Variants in GABARAP observed in about 807,000 individuals in gnomAD.
GABARAP encodes GABA type A receptor-associated protein.
GABARAP carries 5 observed loss-of-function variants against 16.7 expected under a neutral mutation model. The observed-to-expected ratio is 0.30, with a 90% CI of 0.16 to 0.63. The LOEUF is 0.63. Ranked by LOEUF, GABARAP falls within the 20% of genes least tolerant of loss-of-function variation. The pLI, the probability that GABARAP is intolerant of heterozygous loss-of-function variation, is 0.82. For missense variants in GABARAP, 84 were observed against 146.6 expected, an observed-to-expected ratio of 0.57 and a Z score of 2.21; for synonymous variants, 45 against 52.7, an observed-to-expected ratio of 0.85 and a Z score of 0.64.
rs2071770724 is a variant in GABARAP, at chr17:7,240,930, A to G, written c.289-11T>C. On this transcript the variant is annotated splice_polypyrimidine_tract_variant and intron_variant, in intron 3 of 3. Coordinates refer to ENST00000302386, the MANE Select transcript of GABARAP (RefSeq NM_007278.2). Reference sequence around the variant, plus strand: ...TTCTTCATGGTGTTCCTGGGATGAAAGCAGAAAACTGTTCAGCAACTGGGC... The same window carrying G: ...TTCTTCATGGTGTTCCTGGGATGAAGGCAGAAAACTGTTCAGCAACTGGGC... 6.2e-7 allele frequency: 1 copy of G among 1,603,790 alleles called. No individual in the cohort carries two copies. The highest frequency in any genetic ancestry group is 8.5e-7 in the Non-Finnish European group (1 of 1,170,760).
intron 1 of GABARAP, 39 bp from the exon 2 acceptor site, chr17:7,241,718 A>G (rs1439203552): frequency 2.5e-6 from 3 of 1,210,496 alleles, no homozygotes; most frequent in Non-Finnish European, 3.7e-6. Context: ...GAAGGAATGC[A>G]GCCCCGAAGC....
chr17:7,241,463 G>T lies in GABARAP; in HGVS notation c.170-3C>A. Reference sequence around the variant, plus strand: ...GATCAAGAAGTAGAACTGACCAACTGCAAAAGATACAAGATGCAAGAAAGT... The same window carrying T: ...GATCAAGAAGTAGAACTGACCAACTTCAAAAGATACAAGATGCAAGAAAGT... On this transcript the variant is annotated splice_polypyrimidine_tract_variant and splice_region_variant and intron_variant, in intron 2 of 3. Transcript: ENST00000302386. 6.7e-7 allele frequency: 1 copy of T among 1,482,054 alleles called. No homozygotes were observed. 91.8% of individuals were successfully genotyped at this position (1,482,054 alleles called of 1,614,324 possible).
In GABARAP at chr17:7,241,985, A is replaced by G. The variant is rs186893647; in HGVS notation, c.90+256T>C. The G allele has an allele frequency of 2.3e-5, 14 of 596,610 alleles. No homozygotes were observed. In the Admixed American group the frequency reaches 3.9e-4, roughly 16 times the overall value. The allele number at this position is 596,610 out of a possible 1,614,324, so 37.0% of individuals were successfully genotyped here. A position where few individuals can be genotyped will look rare whatever the true frequency, so the allele number is the denominator to read the frequency against. The stretch of plus-strand genomic sequence containing the variant: ...ACCTTAGCTAGCTGGGGGGATGACC[A>G]TTTGAAGCTCAGGCTGTCAAACTCT... On this transcript the variant is annotated intron_variant, in intron 1 of 3. Transcript: ENST00000302386.
Position 7,242,387 on chromosome 17 carries a change from C to CG in GABARAP, c.-58dup, listed in dbSNP as rs1298268519. On this transcript the variant is annotated 5_prime_UTR_variant, in exon 1 of 4. Transcript: ENST00000302386. ...CTGAGGGAACCCAGGGGGGCCGGGA[C>CG]GGGGGGCGGCGACGACGGCGGCGAC... 48 of 1,022,670 alleles carry CG rather than the reference C, an allele frequency of 4.7e-5. 1 individual carries two copies. In the South Asian group the frequency reaches 5.6e-4, roughly 12 times the overall value. 63.3% of individuals were successfully genotyped at this position (1,022,670 alleles called of 1,614,324 possible). A position where few individuals can be genotyped will look rare whatever the true frequency, so the allele number is the denominator to read the frequency against.
In GABARAP at chr17:7,242,403, C is replaced by A; in HGVS notation, c.-73G>T. The A allele has an allele frequency of 2.7e-6, 3 of 1,096,198 alleles. No individual in the cohort carries two copies. The highest frequency in any genetic ancestry group is 1.9e-5 in the Admixed American group (1 of 52,654). 67.9% of individuals were successfully genotyped at this position (1,096,198 alleles called of 1,614,324 possible). ...GGGCCGGGACGGGGGGCGGCGACGA[C>A]GGCGGCGACGCGCGGGCGGATTCAG... On this transcript the variant is annotated 5_prime_UTR_variant, in exon 1 of 4. Coordinates refer to ENST00000302386, the MANE Select transcript of GABARAP (RefSeq NM_007278.2).
chr17:7,242,039 C>T, intron 1 of GABARAP: 1 of 603,890 alleles, frequency 1.7e-6, no homozygotes, highest in African/African-American at 1.9e-5. Flanking sequence ...AGGTTTCTCT[C>T]TCCTGTCCAC....
At position 7,240,840 on chromosome 17, in the gene GABARAP, C is replaced by T; in HGVS notation, c.*14G>A. On this transcript the variant is annotated 3_prime_UTR_variant, in exon 4 of 4. Coordinates refer to ENST00000302386, the MANE Select transcript of GABARAP (RefSeq NM_007278.2). ...TGTAGAATGAGACCCCCCTCCAGCTCAGGGGCAGCAGCTTCACAGACCGTA... is the reference window on the plus strand; with the variant it reads ...TGTAGAATGAGACCCCCCTCCAGCTTAGGGGCAGCAGCTTCACAGACCGTA... 1 of 1,593,844 alleles carries T rather than the reference C, an allele frequency of 6.3e-7. No homozygotes were observed.
chr17:7,241,206 C>T, intron 3 of GABARAP, 136 bp downstream of exon 3: 1 of 715,634 alleles, frequency 1.4e-6, no homozygotes, highest in East Asian at 2.5e-5. Flanking sequence ...GTCCAAACCC[C>T]CAACCCACGG....
intron 3 of GABARAP, 75 bp downstream of exon 3, chr17:7,241,267 G>A (rs1232544126): frequency 1.2e-6 from 1 of 826,514 alleles, no homozygotes; most frequent in Non-Finnish European, 2.1e-6. Flanking sequence ...AACTACTGAT[G>A]TAACAACACT....
chr17:7,241,664 C>A lies in GABARAP; in HGVS notation c.106G>T (p.Ala36Ser), dbSNP rs999457476. ...PDRVPVIVEK[A>S]PKARIGDLDK... ...AGGTCTCCTATCCGAGCTTTGGGAGCCTTTTCTACTATCACCTGATAAAGA... is the reference window on the plus strand; with the variant it reads ...AGGTCTCCTATCCGAGCTTTGGGAGACTTTTCTACTATCACCTGATAAAGA... Residue 36 changes from alanine (A) to serine (S), a missense_variant, in exon 2 of 4, where the codon GCT becomes TCT. Ala to Ser is a moderately conservative substitution (Grantham distance 99, BLOSUM62 1). Coordinates refer to ENST00000302386, the MANE Select transcript of GABARAP (RefSeq NM_007278.2). The A allele has an allele frequency of 4.4e-6, 7 of 1,605,108 alleles. No individual in the cohort carries two copies. Among genetic ancestry groups the A allele is most frequent in the Admixed American group, 1.7e-5 (1 of 60,012 alleles).
Position 7,241,472 on chromosome 17 carries a change from A to G in GABARAP, c.170-12T>C. The G allele has an allele frequency of 1.4e-6, 2 of 1,441,998 alleles. No homozygotes were observed. The highest frequency in any genetic ancestry group is 1.1e-5 in the South Asian group (1 of 87,678). 89.3% of individuals were successfully genotyped at this position (1,441,998 alleles called of 1,614,324 possible). On this transcript the variant is annotated splice_polypyrimidine_tract_variant and intron_variant, in intron 2 of 3. Transcript: ENST00000302386. ...GTAGAACTGACCAACTGCAAAAGAT[A>G]CAAGATGCAAGAAAGTCACAGAGGT...
chr17:7,240,956 T>A (rs776624438), intron 3 of GABARAP, 37 bp from the exon 4 acceptor site: 1 of 1,463,222 alleles, frequency 6.8e-7, no homozygotes, highest in Non-Finnish European at 9.6e-7. Context: ...GCAACTGGGC[T>A]CCAGTAACTT....
Position 7,241,057 on chromosome 17 carries a change from T to C in GABARAP, c.289-138A>G, listed in dbSNP as rs996032407. ...TCCAAGGCCTACCACACGAGCAGTA[T>C]AATCTCTGCAGTCCTGGGCAAAAAG... On this transcript the variant is annotated intron_variant, in intron 3 of 3. Coordinates refer to ENST00000302386, the MANE Select transcript of GABARAP (RefSeq NM_007278.2). 5.9e-5 allele frequency: 42 copies of C among 716,584 alleles called. No individual in the cohort carries two copies. In the South Asian group the frequency reaches 6.7e-4, roughly 12 times the overall value. The allele number at this position is 716,584 out of a possible 1,614,324, so 44.4% of individuals were successfully genotyped here.
At position 7,240,709 on chromosome 17, in the gene GABARAP, C is replaced by A. The variant is rs138393563; in HGVS notation, c.*145G>T. The A allele has an allele frequency of 2.4e-4, 153 of 644,592 alleles. 1 individual carries two copies. In the African/African-American group the frequency reaches 2.7e-3, roughly 11 times the overall value. 39.9% of individuals were successfully genotyped at this position (644,592 alleles called of 1,614,324 possible). A position where few individuals can be genotyped will look rare whatever the true frequency, so the allele number is the denominator to read the frequency against. On this transcript the variant is annotated 3_prime_UTR_variant, in exon 4 of 4. Coordinates refer to ENST00000302386, the MANE Select transcript of GABARAP (RefSeq NM_007278.2). ...CCACCATTACCCCTCCTAAGAGAGG[C>A]TGGAGAGAAAGCCACAAACATTAAG...
At position 7,242,398 on chromosome 17, in the gene GABARAP, G is replaced by T. The variant is rs2071787154; in HGVS notation, c.-68C>A. ...CAGGGGGGCCGGGACGGGGGGCGGC[G>T]ACGACGGCGGCGACGCGCGGGCGGA... is the stretch of plus-strand genomic sequence containing the variant. On this transcript the variant is annotated 5_prime_UTR_variant, in exon 1 of 4. Transcript: ENST00000302386. The T allele has an allele frequency of 8.2e-7, 1 of 1,222,610 alleles. No individual in the cohort carries two copies. Among genetic ancestry groups the T allele is most frequent in the Non-Finnish European group, 1.2e-6 (1 of 835,450 alleles). 75.7% of individuals were successfully genotyped at this position (1,222,610 alleles called of 1,614,324 possible).
Position 7,240,061 on chromosome 17 carries a change from A to G in GABARAP, c.*793T>C, listed in dbSNP as rs1227087110. The stretch of plus-strand genomic sequence containing the variant: ...TTGCACACATGAAAATATCTTAGTT[A>G]GAATGTTCTAGCAAATGTGGATGTT... On this transcript the variant is annotated 3_prime_UTR_variant, in exon 4 of 4. Coordinates refer to ENST00000302386, the MANE Select transcript of GABARAP (RefSeq NM_007278.2). The G allele has an allele frequency of 6.6e-6, 1 of 152,270 alleles. No homozygotes were observed. The highest frequency in any genetic ancestry group is 1.9e-4 in the East Asian group (1 of 5,202). The allele number at this position is 152,270 out of a possible 1,614,324, so 9.4% of individuals were successfully genotyped here. A position where few individuals can be genotyped will look rare whatever the true frequency, so the allele number is the denominator to read the frequency against.
In GABARAP at chr17:7,240,244, G is replaced by A. The variant is rs2071761975; in HGVS notation, c.*610C>T. On this transcript the variant is annotated 3_prime_UTR_variant, in exon 4 of 4. Coordinates refer to ENST00000302386, the MANE Select transcript of GABARAP (RefSeq NM_007278.2). Reference sequence around the variant, plus strand: ...AGTATTCCATTCCATCACAACAAAAGCACCCTCTTTTTGCAGACAGGGAAA... The same window carrying A: ...AGTATTCCATTCCATCACAACAAAAACACCCTCTTTTTGCAGACAGGGAAA... 6.6e-6 allele frequency: 1 copy of A among 152,158 alleles called. No individual in the cohort carries two copies. The highest frequency in any genetic ancestry group is 6.6e-5 in the Admixed American group (1 of 15,260). The allele number at this position is 152,158 out of a possible 1,614,324, so 9.4% of individuals were successfully genotyped here. A position where few individuals can be genotyped will look rare whatever the true frequency, so the allele number is the denominator to read the frequency against.
chr17:7,242,377 G>C lies in GABARAP; in HGVS notation c.-47C>G. On this transcript the variant is annotated 5_prime_UTR_variant, in exon 1 of 4. Transcript: ENST00000302386. ...CAGGGCTGGGCTGAGGGAACCCAGGGGGGCCGGGACGGGGGGCGGCGACGA... is the reference window on the plus strand; with the variant it reads ...CAGGGCTGGGCTGAGGGAACCCAGGCGGGCCGGGACGGGGGGCGGCGACGA... 5.5e-6 allele frequency: 8 copies of C among 1,460,272 alleles called. No individual in the cohort carries two copies. The highest frequency in any genetic ancestry group is 7.7e-6 in the Non-Finnish European group (8 of 1,045,370). 90.5% of individuals were successfully genotyped at this position (1,460,272 alleles called of 1,614,324 possible).
Position 7,241,659 on chromosome 17 carries a change from G to A in GABARAP, c.111C>T (p.Pro37=). The A allele has an allele frequency of 6.2e-7, 1 of 1,609,824 alleles. No individual in the cohort carries two copies. Among genetic ancestry groups the A allele is most frequent in the Non-Finnish European group, 8.5e-7 (1 of 1,176,140 alleles). The part of the protein sequence containing the change: ...DRVPVIVEKA[P]KARIGDLDKK... ...TGTCCAGGTCTCCTATCCGAGCTTTGGGAGCCTTTTCTACTATCACCTGAT... is the reference window on the plus strand; with the variant it reads ...TGTCCAGGTCTCCTATCCGAGCTTTAGGAGCCTTTTCTACTATCACCTGAT... Residue 37 remains proline, a synonymous_variant, in exon 2 of 4, where the codon CCC becomes CCT. Transcript: ENST00000302386.
Sources: allele counts gnomAD v4.1 joint callset, GRCh38; gene constraint gnomAD v4.1.1; transcripts MANE v1.5; gene names NCBI Gene and HGNC (gene_info 2026-07-23, HGNC 2026-07-21).